MAGI1: variants seen among roughly 807,000 people sequenced by gnomAD.
MAGI1 encodes membrane associated guanylate kinase, WW and PDZ domain containing 1.
In MAGI1, 58 loss-of-function variants were observed where a neutral mutation model predicts 139.9. That is an observed-to-expected ratio of 0.41 (90% CI 0.34 to 0.52). The LOEUF is 0.52. Ranked by LOEUF, MAGI1 falls within the 20% of genes least tolerant of loss-of-function variation. The pLI, the probability that MAGI1 is intolerant of heterozygous loss-of-function variation, is 0.12. For synonymous variants in MAGI1, 812 were observed against 737.9 expected (o/e 1.10, Z -1.63); for missense variants, 1,874 against 1,901.6 (o/e 0.99, Z 0.27).
intron 1 of MAGI1, among the ~76,000 whole-genome samples, chr3:65,935,674 T>C (rs2063017701): frequency 1.3e-5 from 2 of 152,304 alleles, no homozygotes; most frequent in South Asian, 2.1e-4. Flanking sequence ...TTGGCTGGCC[T>C]GGAAGTTGCT....
At chr3:65,617,919 C>G (rs997932789) in intron 2 of MAGI1, among the ~76,000 whole-genome samples, 27 of 152,246 alleles carry the variant, frequency 1.8e-4, no homozygotes, top group Admixed American at 1.2e-3. Flanking sequence ...AAGTTAGAAT[C>G]TAATTAGGAC....
rs995071240 is a variant in MAGI1 at position 65,630,306 on chromosome 3, T to A, written c.314-8218A>T. Among the ~76,000 whole-genome samples the A allele has an allele frequency of 3.3e-5, 5 of 151,770 alleles. No individual in the cohort carries two copies. The South Asian group carries it at 8.3e-4, about 25-fold the overall frequency. On this transcript the variant is annotated intron_variant, in intron 1 of 22. Coordinates refer to ENST00000402939, the MANE Select transcript of MAGI1 (RefSeq NM_001033057.2). ...CTCCAGGCAGAGACAATTGTTAAGG[T>A]GAGAACTAAAGGAGGATGAGAGGCT...
chr3:65,564,639 G>A (rs2080524790), intron 2 of MAGI1, among the ~76,000 whole-genome samples: 1 of 152,068 alleles, frequency 6.6e-6, no homozygotes, highest in Non-Finnish European at 1.5e-5. Flanking sequence ...GAATCCCCTG[G>A]GAAATTAAAC....
At chr3:65,411,123 G>GATCTACTTT (rs1945763329) in intron 12 of MAGI1, among the ~76,000 whole-genome samples, 1 of 152,136 alleles carries the variant, frequency 6.6e-6, no homozygotes, top group South Asian at 2.1e-4. Flanking sequence ...TTCCTACCAA[G>GATCTACTTT]ATCTACTTTT....
chr3:65,548,002 C>T (rs749539975), intron 2 of MAGI1, among the ~76,000 whole-genome samples: 3 of 152,320 alleles, frequency 2.0e-5, no homozygotes, highest in Admixed American at 6.5e-5. Context: ...AATTGAGGAA[C>T]TCCAAAACTA....
chr3:65,441,000 A>ACC (rs1948286174), intron 8 of MAGI1, among the ~76,000 whole-genome samples: 1 of 151,928 alleles, frequency 6.6e-6, no homozygotes, highest in South Asian at 2.1e-4. Flanking sequence ...TCTCTCTGTC[A>ACC]CCCAGGCTGG....
chr3:65,368,704 T>C (rs968685680), intron 18 of MAGI1, among the ~76,000 whole-genome samples: 1 of 152,192 alleles, frequency 6.6e-6, no homozygotes, highest in East Asian at 1.9e-4. Context: ...CCATAAATAT[T>C]TGAAAAGTTT....
rs75745690 is a variant in MAGI1 at position 65,854,509 on chromosome 3, G to A, written c.313+183487C>T. Among the ~76,000 whole-genome samples the A allele has an allele frequency of 3.3e-5, 5 of 152,296 alleles. No homozygotes were observed. The East Asian group carries it at 7.7e-4, about 24-fold the overall frequency. On this transcript the variant is annotated intron_variant, in intron 1 of 22. Coordinates refer to ENST00000402939, the MANE Select transcript of MAGI1 (RefSeq NM_001033057.2). ...AAAGCTCAGAAATTCCCATGCCAGC[G>A]TCTTCACAACCACCATTTCCATGTG...
chr3:65,854,969 T>A (rs937189521), intron 1 of MAGI1, among the ~76,000 whole-genome samples: 1 of 152,178 alleles, frequency 6.6e-6, no homozygotes. Flanking sequence ...GAAGGTAATA[T>A]AAATAACTAC....
chr3:65,724,351 C>T (rs1326627360), intron 1 of MAGI1, among the ~76,000 whole-genome samples: 2 of 152,236 alleles, frequency 1.3e-5, no homozygotes, highest in African/African-American at 4.8e-5. Flanking sequence ...GTCTAGAAGA[C>T]AGCCCTTTCA....
chr3:65,864,586 A>C (rs1045994181), intron 1 of MAGI1, among the ~76,000 whole-genome samples: 1 of 152,244 alleles, frequency 6.6e-6, no homozygotes, highest in African/African-American at 2.4e-5. Context: ...GCATAGCAGA[A>C]TCAGGAAAAA....
intron 12 of MAGI1, among the ~76,000 whole-genome samples, chr3:65,419,233 C>CACACACACACACACACACACAT (rs1303506335): frequency 6.3e-4 from 95 of 151,732 alleles, no homozygotes; most frequent in African/African-American, 2.3e-3. Context: ...CACACACACA[C>CACACACACACACACACACACAT]ACACACACAC....
intron 1 of MAGI1, among the ~76,000 whole-genome samples, chr3:65,690,573 T>G (rs1344704169): frequency 6.6e-6 from 1 of 151,996 alleles, no homozygotes; most frequent in African/African-American, 2.4e-5. Flanking sequence ...ACCTCCTGGG[T>G]TGAAGTGATT....
chr3:65,574,996 T>C (rs192846025), intron 2 of MAGI1, among the ~76,000 whole-genome samples: 1 of 152,006 alleles, frequency 6.6e-6, no homozygotes, highest in Non-Finnish European at 1.5e-5. Context: ...TTTTGTGACT[T>C]TAGGTTAAGT....
chr3:65,578,582 A>T (rs2108108272), intron 2 of MAGI1, among the ~76,000 whole-genome samples: 1 of 152,256 alleles, frequency 6.6e-6, no homozygotes, highest in South Asian at 2.1e-4. Context: ...AGAGACAGTC[A>T]TGGGGGAAAA....
Position 65,662,440 on chromosome 3 carries a change from T to C in MAGI1, c.314-40352A>G, listed in dbSNP as rs146775088. Among the ~76,000 whole-genome samples the C allele has an allele frequency of 2.0e-5, 3 of 152,374 alleles. No homozygotes were observed. In the East Asian group the frequency reaches 5.8e-4, roughly 29 times the overall value. The stretch of plus-strand genomic sequence containing the variant: ...CTGCCACTTTGTGTGAATGCAGCTA[T>C]GGACAATATGCAACCAAATGGCCAT... On this transcript the variant is annotated intron_variant, in intron 1 of 22. Coordinates refer to ENST00000402939, the MANE Select transcript of MAGI1 (RefSeq NM_001033057.2).
chr3:65,939,836 AATAAGCAC>A (rs1260326145), intron 1 of MAGI1, among the ~76,000 whole-genome samples: 1 of 152,198 alleles, frequency 6.6e-6, no homozygotes, highest in African/African-American at 2.4e-5. Context: ...TTTGAACATT[AATAAGCAC>A]ATTGTGGCCA....
rs1943521107 is a variant in MAGI1, at chr3:65,387,212, G to T, written c.2417-3589C>A. Reference sequence around the variant, plus strand: ...TCACCCTTGCTCAATCCCGACGCAGGTGAAGGTGACATAGCTGGAATATTA... The same window carrying T: ...TCACCCTTGCTCAATCCCGACGCAGTTGAAGGTGACATAGCTGGAATATTA... On this transcript the variant is annotated intron_variant, in intron 14 of 22. Coordinates refer to ENST00000402939, the MANE Select transcript of MAGI1 (RefSeq NM_001033057.2). 3 of 1,613,764 alleles carry T rather than the reference G, an allele frequency of 1.9e-6. No individual in the cohort carries two copies. In the South Asian group the frequency reaches 3.3e-5, roughly 18 times the overall value.
At chr3:65,899,807 T>G (rs2108615724) in intron 1 of MAGI1, among the ~76,000 whole-genome samples, 1 of 152,284 alleles carries the variant, frequency 6.6e-6, no homozygotes, top group East Asian at 1.9e-4. Context: ...GGGATAAAGT[T>G]AAAACTGGAT....
Sources: gnomAD v4.1 joint callset for allele counts (sites outside exome capture counted in the v4.1 genomes callset) on GRCh38, gnomAD v4.1.1 for gene constraint, MANE v1.5 for transcripts, NCBI Gene and HGNC (gene_info 2026-07-23, HGNC 2026-07-21) for gene names.